The following MAPRE2 variants were observed in gnomAD, a reference collection of about 807,000 sequenced individuals.
MAPRE2 encodes microtubule associated protein RP/EB family member 2.
In MAPRE2, 13 loss-of-function variants were observed where a neutral mutation model predicts 43.2. That is an observed-to-expected ratio of 0.30 (90% CI 0.20 to 0.48). The LOEUF is 0.48. Ranked by LOEUF, MAPRE2 falls within the 20% of genes least tolerant of loss-of-function variation. The pLI is 0.99. For synonymous variants in MAPRE2, 135 were observed against 148.8 expected (o/e 0.91, Z 0.68); for missense variants, 161 against 400.2 (o/e 0.40, Z 5.10).
At chr18:34,998,467 C>T (rs997887488) in intron 1 of MAPRE2, among the ~76,000 whole-genome samples, 2 of 151,882 alleles carry the variant, frequency 1.3e-5, no homozygotes, top group African/African-American at 4.8e-5. Context: ...GCTGGGACTA[C>T]AGGTGCCCGC....
At chr18:35,098,185 C>G (rs940648713) in intron 3 of MAPRE2, among the ~76,000 whole-genome samples, 1 of 152,120 alleles carries the variant, frequency 6.6e-6, no homozygotes, top group Non-Finnish European at 1.5e-5. Flanking sequence ...TACTTTTTCT[C>G]TCAATAAGGG....
chr18:35,032,221 T>C (rs1038943723), intron 2 of MAPRE2, among the ~76,000 whole-genome samples: 1 of 152,144 alleles, frequency 6.6e-6, no homozygotes, highest in Admixed American at 6.5e-5. Flanking sequence ...CTAAGTGGAA[T>C]CTTCTGTCTG....
chr18:35,047,535 A>G (rs1048146053), intron 1 of MAPRE2, among the ~76,000 whole-genome samples: 2 of 152,186 alleles, frequency 1.3e-5, no homozygotes, highest in East Asian at 1.9e-4. Context: ...CAATTCACAT[A>G]GGCAAGAAAT....
chr18:35,140,282 C>A lies in MAPRE2; in HGVS notation c.910-13C>A. On this transcript the variant is annotated splice_polypyrimidine_tract_variant and intron_variant, in intron 6 of 6. Coordinates refer to ENST00000300249, the MANE Select transcript of MAPRE2 (RefSeq NM_014268.4). ...GTCAATTATCTCAGCTGAAACTTCT[C>A]CCCTGCCCACAGGAGGGCCACACAG... 6.2e-7 allele frequency: 1 copy of A among 1,611,990 alleles called. No individual in the cohort carries two copies. The highest frequency in any genetic ancestry group is 8.5e-7 in the Non-Finnish European group (1 of 1,178,934).
intron 1 of MAPRE2, among the ~76,000 whole-genome samples, chr18:35,044,662 CTGT>C (rs1301448870): frequency 6.6e-6 from 1 of 152,164 alleles, no homozygotes; most frequent in Non-Finnish European, 1.5e-5. Flanking sequence ...CATAAGAATA[CTGT>C]TGTTACTGAA....
intron 3 of MAPRE2, among the ~76,000 whole-genome samples, chr18:35,098,872 A>T (rs1908547073): frequency 6.6e-6 from 1 of 152,228 alleles, no homozygotes; most frequent in Non-Finnish European, 1.5e-5. Context: ...TGAAGAAAAA[A>T]ATTATTGCAG....
At chr18:34,991,592 A>G (rs2097023857) in intron 1 of MAPRE2, among the ~76,000 whole-genome samples, 1 of 152,126 alleles carries the variant, frequency 6.6e-6, no homozygotes, top group Non-Finnish European at 1.5e-5. Flanking sequence ...ATACTTACCC[A>G]TCACCATGGA....
At chr18:35,131,752 C>T (rs1910157700) in intron 5 of MAPRE2, among the ~76,000 whole-genome samples, 1 of 152,100 alleles carries the variant, frequency 6.6e-6, no homozygotes, top group Admixed American at 6.5e-5. Context: ...AGCTCACTTC[C>T]AGCCTGCGGG....
intron 1 of MAPRE2, among the ~76,000 whole-genome samples, chr18:35,054,080 C>T (rs1906094324): frequency 6.6e-6 from 1 of 152,160 alleles, no homozygotes; most frequent in South Asian, 2.1e-4. Flanking sequence ...GTGAAGATCC[C>T]TAAACTTGAT....
chr18:35,014,710 A>C (rs2097037057), intron 2 of MAPRE2, among the ~76,000 whole-genome samples: 1 of 152,062 alleles, frequency 6.6e-6, no homozygotes, highest in African/African-American at 2.4e-5. Context: ...TTGATCATTG[A>C]TCAGAGTGAA....
intron 1 of MAPRE2, among the ~76,000 whole-genome samples, chr18:34,982,020 G>A (rs920960903): frequency 3.3e-5 from 5 of 151,550 alleles, no homozygotes; most frequent in African/African-American, 9.7e-5. Context: ...GAGTAGCTGG[G>A]ACTACAGCCC....
Position 35,041,544 on chromosome 18 carries a change from C to T in MAPRE2, c.5C>T (p.Pro2Leu). 6.2e-7 allele frequency: 1 copy of T among 1,614,244 alleles called. No individual in the cohort carries two copies. The change falls in exon 1 of 7, where the codon CCT (proline) becomes CTT (leucine). Residue 2 changes from proline to leucine, a missense_variant. This residue lies in a region of MAPRE2 where 65 missense variants were observed against 246.9 expected (regional missense o/e 0.26). Coordinates refer to ENST00000300249, the MANE Select transcript of MAPRE2 (RefSeq NM_014268.4). Reference protein sequence around the residue: MPGPTQTLSPNG... With the variant: MLGPTQTLSPNG... Reference sequence around the variant, plus strand: ...CCCCTTCTCGGGAGTGCGCCAATGCCTGGGCCGACCCAAACCCTGTCCCCA... The same window carrying T: ...CCCCTTCTCGGGAGTGCGCCAATGCTTGGGCCGACCCAAACCCTGTCCCCA...
intron 4 of MAPRE2, among the ~76,000 whole-genome samples, chr18:35,124,858 G>A (rs548443820): frequency 5.7e-4 from 86 of 152,190 alleles, no homozygotes; most frequent in African/African-American, 1.9e-3. Flanking sequence ...TACCCAGTTG[G>A]TTTGCCTTTG....
intron 1 of MAPRE2, among the ~76,000 whole-genome samples, chr18:35,061,484 G>A (rs964288461): frequency 3.3e-5 from 5 of 152,170 alleles, no homozygotes; most frequent in South Asian, 2.1e-4. Flanking sequence ...AGGCCCGGCC[G>A]CAGGGAGGGT....
chr18:35,015,633 A>AGTGTGTGTGTGT lies in MAPRE2; in HGVS notation c.-8+10115_-8+10126dup, dbSNP rs3082290. Among the ~76,000 whole-genome samples the AGTGTGTGTGTGT allele has an allele frequency of 2.6e-3, 347 of 134,884 alleles. 3 individuals are homozygous for AGTGTGTGTGTGT. Among genetic ancestry groups the AGTGTGTGTGTGT allele is most frequent in the African/African-American group, 9.1e-3 (314 of 34,480 alleles). 88.5% of individuals were successfully genotyped at this position (134,884 alleles called of 152,430 possible). On this transcript the variant is annotated intron_variant, in intron 2 of 7. Transcript: ENST00000413393. ...GTTGGTGGGTGTGTATAGGGATGGC[A>AGTGTGTGTGTGT]GTGTGTGTGTGTGTGTGTGTGTGTG...
chr18:35,075,322 G>A (rs1402414607), intron 2 of MAPRE2, among the ~76,000 whole-genome samples: 1 of 152,144 alleles, frequency 6.6e-6, no homozygotes, highest in Admixed American at 6.5e-5. Context: ...CCGCAGATTT[G>A]TGCCTGTTAG....
intron 1 of MAPRE2, among the ~76,000 whole-genome samples, chr18:34,993,838 A>C (rs1486643698): frequency 6.6e-6 from 1 of 152,202 alleles, no homozygotes; most frequent in Non-Finnish European, 1.5e-5. Context: ...AGAGGGTCTC[A>C]CAAAATCAGT....
chr18:35,064,346 T>C (rs1382308008), intron 1 of MAPRE2, among the ~76,000 whole-genome samples: 1 of 149,286 alleles, frequency 6.7e-6, no homozygotes, highest in Non-Finnish European at 1.5e-5. Context: ...TATATACTGT[T>C]TTGTCCTCCA....
intron 1 of MAPRE2, among the ~76,000 whole-genome samples, chr18:34,985,118 C>A (rs192325181): frequency 7.4e-4 from 53 of 71,226 alleles, no homozygotes; most frequent in Admixed American, 1.1e-3. Context: ...ATATTATATA[C>A]TATATTATAT....
Sources: gnomAD v4.1 joint callset for allele counts (sites outside exome capture counted in the v4.1 genomes callset) on GRCh38, gnomAD v4.1.1 for gene constraint, gnomAD v4.1.1 regional missense constraint, MANE v1.5 for transcripts, NCBI Gene and HGNC (gene_info 2026-07-23, HGNC 2026-07-21) for gene names.